NELL1: variants seen among roughly 807,000 people sequenced by gnomAD.
The protein encoded by NELL1 is neural EGFL like 1.
Under a neutral mutation model 107.4 loss-of-function variants are expected in NELL1, and 76 were observed. The ratio of observed to expected loss-of-function variants is 0.71; its 90% CI spans 0.59 to 0.86. The LOEUF is 0.86. NELL1 is among the 40% of genes least tolerant of loss of function. The pLI, the probability that NELL1 is intolerant of heterozygous loss-of-function variation, is 0.00. For synonymous variants in NELL1, 353 were observed against 341.2 expected (o/e 1.03, Z -0.38); for missense variants, 1,024 against 1,005.5 (o/e 1.02, Z -0.25).
intron 13 of NELL1, chr11:21,170,046 T>C: frequency 8.7e-7 from 1 of 1,154,144 alleles, no homozygotes; most frequent in Middle Eastern, 2.6e-4. Context: ...ACAGACCACA[T>C]CCCTGAGCCT....
Position 20,695,444 on chromosome 11 carries a change from T to G in NELL1, c.184+17384T>G, listed in dbSNP as rs556138891. Among the ~76,000 whole-genome samples, 9 of 152,282 alleles carry G rather than the reference T, an allele frequency of 5.9e-5. No homozygotes were observed. The East Asian group carries it at 1.4e-3, about 23-fold the overall frequency. Reference sequence around the variant, plus strand: ...GGCTATGGGTTTGCATAGATGACTTTTATTATTTTGAGGTATGTTCCTTTG... The same window carrying G: ...GGCTATGGGTTTGCATAGATGACTTGTATTATTTTGAGGTATGTTCCTTTG... On this transcript the variant is annotated intron_variant, in intron 2 of 19. Transcript: ENST00000357134.
At chr11:20,685,254 T>A (rs1037195251) in intron 2 of NELL1, among the ~76,000 whole-genome samples, 1 of 152,106 alleles carries the variant, frequency 6.6e-6, no homozygotes, top group Non-Finnish European at 1.5e-5. Flanking sequence ...CTGCCCTTCA[T>A]TGACTGATGG....
At chr11:20,844,486 A>C (rs1848670994) in intron 3 of NELL1, among the ~76,000 whole-genome samples, 1 of 152,272 alleles carries the variant, frequency 6.6e-6, no homozygotes, top group South Asian at 2.1e-4. Context: ...TATCATTTAT[A>C]CAGCTGCCCT....
intron 15 of NELL1, among the ~76,000 whole-genome samples, chr11:21,474,333 AC>A (rs1193648161): frequency 1.3e-5 from 2 of 151,780 alleles, no homozygotes; most frequent in Admixed American, 6.6e-5. Flanking sequence ...TTCCCTTATT[AC>A]CTGGTTTAAT....
At chr11:20,897,260 A>G (rs961209496) in intron 5 of NELL1, among the ~76,000 whole-genome samples, 9 of 152,182 alleles carry the variant, frequency 5.9e-5, no homozygotes, top group South Asian at 2.1e-4. Flanking sequence ...ATAATGCCAC[A>G]TATCTACAAC....
chr11:21,351,350 A>G (rs1193100594), intron 14 of NELL1, among the ~76,000 whole-genome samples: 2 of 152,096 alleles, frequency 1.3e-5, no homozygotes, highest in African/African-American at 2.4e-5. Context: ...TCTTTAAGCT[A>G]GACTGGAGGT....
chr11:20,825,055 G>A (rs562896209), intron 3 of NELL1, among the ~76,000 whole-genome samples: 12 of 151,474 alleles, frequency 7.9e-5, no homozygotes, highest in African/African-American at 2.7e-4. Context: ...TGCTTCAGAG[G>A]GTGCAAGCCC....
At chr11:20,906,772 C>T (rs965510710) in intron 5 of NELL1, among the ~76,000 whole-genome samples, 12 of 151,940 alleles carry the variant, frequency 7.9e-5, no homozygotes, top group Non-Finnish European at 1.2e-4. Context: ...ACACAGAAAA[C>T]GCATCTGACA....
intron 5 of NELL1, among the ~76,000 whole-genome samples, chr11:20,894,516 A>C (rs964352849): frequency 2.6e-5 from 4 of 152,224 alleles, no homozygotes; most frequent in Non-Finnish European, 4.4e-5. Context: ...CAGTAAACAA[A>C]GGGGATGGTA....
intron 2 of NELL1, among the ~76,000 whole-genome samples, chr11:20,683,304 T>C (rs1225753422): frequency 2.0e-5 from 3 of 152,224 alleles, no homozygotes; most frequent in Admixed American, 6.6e-5. Flanking sequence ...TCATGTAGTT[T>C]CTTTTTTTCC....
chr11:21,234,259 C>A (rs1858141810), intron 14 of NELL1, among the ~76,000 whole-genome samples: 1 of 152,152 alleles, frequency 6.6e-6, no homozygotes, highest in Admixed American at 6.5e-5. Flanking sequence ...TACTGAAATA[C>A]AAAGCTTTGA....
chr11:21,054,685 C>A (rs929363013), intron 12 of NELL1, among the ~76,000 whole-genome samples: 2 of 152,004 alleles, frequency 1.3e-5, no homozygotes, highest in Non-Finnish European at 2.9e-5. Flanking sequence ...ATTTTTATTG[C>A]TAATATGTTA....
chr11:21,545,107 T>C (rs1464660951), intron 16 of NELL1, among the ~76,000 whole-genome samples: 1 of 152,066 alleles, frequency 6.6e-6, no homozygotes, highest in African/African-American at 2.4e-5. Context: ...TATAGCTGGT[T>C]GGTCCCTAAG....
intron 15 of NELL1, among the ~76,000 whole-genome samples, chr11:21,489,404 A>AAAAAAAAAAAAAC (rs1554922049): frequency 2.9e-5 from 4 of 137,200 alleles, no homozygotes; most frequent in African/African-American, 1.2e-4. Flanking sequence ...AAAAAAAAAA[A>AAAAAAAAAAAAAC]AAAACAGAAG....
chr11:21,496,005 C>G (rs574865930), intron 15 of NELL1, among the ~76,000 whole-genome samples: 1 of 152,034 alleles, frequency 6.6e-6, no homozygotes, highest in Non-Finnish European at 1.5e-5. Context: ...TTATTGCTTT[C>G]TATTTTGAAA....
rs541280806 is a variant in NELL1 at position 21,533,485 on chromosome 11, G to T, written c.1646-889G>T. On this transcript the variant is annotated intron_variant, in intron 15 of 19. Coordinates refer to ENST00000357134, the MANE Select transcript of NELL1 (RefSeq NM_006157.5). ...ACATTCTAAGAAATAATTACTTGGAGAAATTCTGTTACAATGAACTGAACC... is the reference window on the plus strand; with the variant it reads ...ACATTCTAAGAAATAATTACTTGGATAAATTCTGTTACAATGAACTGAACC... 2.6e-5 allele frequency among the ~76,000 whole-genome samples: 4 copies of T among 152,272 alleles called. No homozygotes were observed. In the South Asian group the frequency reaches 6.2e-4, roughly 24 times the overall value.
At chr11:21,303,108 CTA>C (rs1849531918) in intron 14 of NELL1, among the ~76,000 whole-genome samples, 1 of 132,080 alleles carries the variant, frequency 7.6e-6, no homozygotes, top group Non-Finnish European at 1.7e-5. Flanking sequence ...ATATCTATAT[CTA>C]TATCTATCTT....
intron 10 of NELL1, among the ~76,000 whole-genome samples, chr11:20,945,175 G>A (rs1375837426): frequency 6.6e-6 from 1 of 152,198 alleles, no homozygotes; most frequent in African/African-American, 2.4e-5. Context: ...TATTAAGGTA[G>A]TGCCCCCAGG....
At chr11:21,434,865 T>C (rs1853067705) in intron 15 of NELL1, among the ~76,000 whole-genome samples, 1 of 152,168 alleles carries the variant, frequency 6.6e-6, no homozygotes, top group African/African-American at 2.4e-5. Flanking sequence ...CATCAACATT[T>C]TGTAGTTTTT....
Sources: gnomAD v4.1 joint callset for allele counts (sites outside exome capture counted in the v4.1 genomes callset) on GRCh38, gnomAD v4.1.1 for gene constraint, MANE v1.5 for transcripts, NCBI Gene and HGNC (gene_info 2026-07-23, HGNC 2026-07-21) for gene names.